MAP3K13: variants seen among roughly 807,000 people sequenced by gnomAD.
MAP3K13 encodes leucine zipper-bearing kinase.
A neutral mutation model predicts 104.0 loss-of-function variants in MAP3K13; 52 were observed. That is an observed-to-expected ratio of 0.50 (90% CI 0.40 to 0.63). MAP3K13 has a LOEUF of 0.63. MAP3K13 is among the 20% of genes least tolerant of loss of function. The pLI, the probability that MAP3K13 is intolerant of heterozygous loss-of-function variation, is 0.00. For missense variants in MAP3K13, 914 were observed against 1,218.5 expected (o/e 0.75, Z 3.72); for synonymous variants, 394 against 442.2 (o/e 0.89, Z 1.37).
In MAP3K13 at chr3:185,484,380, T is replaced by A. The variant is rs1350250960; in HGVS notation, c.*1924T>A. The A allele has an allele frequency of 6.6e-6, 1 of 152,194 alleles. No individual in the cohort carries two copies. Among genetic ancestry groups the A allele is most frequent in the Non-Finnish European group, 1.5e-5 (1 of 68,032 alleles). The allele number at this position is 152,194 out of a possible 1,614,324, so 9.4% of individuals were successfully genotyped here. ...TGTTGACCTAGTACCTGTCCCTGTCTCCAAGACAGATTACCGTCAAACAAC... is the reference window on the plus strand; with the variant it reads ...TGTTGACCTAGTACCTGTCCCTGTCACCAAGACAGATTACCGTCAAACAAC... On this transcript the variant is annotated 3_prime_UTR_variant, in exon 14 of 14. Transcript: ENST00000265026.
upstream of MAP3K13, among the ~76,000 whole-genome samples, chr3:185,361,183 T>TATATATACA: frequency 1.3e-5 from 2 of 151,080 alleles, no homozygotes; most frequent in Non-Finnish European, 1.5e-5. Context: ...ATATATTATA[T>TATATATACA]ATATATATAC....
chr3:185,452,628 G>T (rs1178559920), intron 7 of MAP3K13, among the ~76,000 whole-genome samples: 1 of 152,136 alleles, frequency 6.6e-6, no homozygotes, highest in Non-Finnish European at 1.5e-5. Flanking sequence ...CAGTTCTACT[G>T]GCTTTGACTG....
chr3:185,349,803 C>T (rs1267550286), intron 2 of MAP3K13, among the ~76,000 whole-genome samples: 1 of 152,182 alleles, frequency 6.6e-6, no homozygotes, highest in African/African-American at 2.4e-5. Context: ...GTGACTCTTT[C>T]CTTTCATGTC....
In MAP3K13 at chr3:185,486,333, T is replaced by C. The variant is rs1390009501; in HGVS notation, c.*3877T>C. On this transcript the variant is annotated 3_prime_UTR_variant, in exon 14 of 14. Coordinates refer to ENST00000265026, the MANE Select transcript of MAP3K13 (RefSeq NM_004721.5). ...CAGTCATTCATTGTATAGTCGAGAGTTGAATAAAGTCCATATTGAACACAT... is the reference window on the plus strand; with the variant it reads ...CAGTCATTCATTGTATAGTCGAGAGCTGAATAAAGTCCATATTGAACACAT... The C allele has an allele frequency of 2.0e-5, 3 of 152,128 alleles. No individual in the cohort carries two copies. The highest frequency in any genetic ancestry group is 4.4e-5 in the Non-Finnish European group (3 of 68,034). 9.4% of individuals were successfully genotyped at this position (152,128 alleles called of 1,614,324 possible).
chr3:185,288,427 A>G (rs535672080), intron 2 of MAP3K13, among the ~76,000 whole-genome samples: 151 of 150,674 alleles, frequency 1.0e-3, no homozygotes, highest in Non-Finnish European at 1.8e-3. Context: ...GAATATATAT[A>G]TTCCAGAAAA....
chr3:185,459,425 T>A (rs1174336613), intron 7 of MAP3K13, among the ~76,000 whole-genome samples: 5 of 152,152 alleles, frequency 3.3e-5, no homozygotes, highest in Non-Finnish European at 5.9e-5. Context: ...AAAGATAGTA[T>A]AAAATTTGCC....
rs951910875 is a variant in MAP3K13, at chr3:185,458,853, G to A, written c.1279-4697G>A. Among the ~76,000 whole-genome samples the A allele has an allele frequency of 4.6e-5, 7 of 152,324 alleles. No individual in the cohort carries two copies. In the East Asian group the frequency reaches 7.7e-4, roughly 17 times the overall value. ...CATGTATAAAGATGTAGCCTATATG[G>A]AGCAGATGAACAAAGCAACCGATTT... On this transcript the variant is annotated intron_variant, in intron 7 of 13. Coordinates refer to ENST00000265026, the MANE Select transcript of MAP3K13 (RefSeq NM_004721.5).
At chr3:185,465,682 T>A in intron 8 of MAP3K13, 65 bp from the exon 9 acceptor site, 1 of 1,060,510 alleles carries the variant, frequency 9.4e-7, no homozygotes, top group Admixed American at 1.7e-5. Context: ...GTTTCTTATT[T>A]CATCAAGCGG....
intron 2 of MAP3K13, among the ~76,000 whole-genome samples, chr3:185,310,327 T>C (rs1029438845): frequency 6.6e-6 from 1 of 152,194 alleles, no homozygotes; most frequent in Non-Finnish European, 1.5e-5. Flanking sequence ...ACTGTTATTC[T>C]ATGGACAATA....
At chr3:185,449,371 T>TAAAA (rs61621090) in intron 5 of MAP3K13, among the ~76,000 whole-genome samples, 1 of 80,754 alleles carries the variant, frequency 1.2e-5, no homozygotes, top group Non-Finnish European at 2.4e-5. Flanking sequence ...AGATGCTGTC[T>TAAAA]AAAAAAAAAA....
intron 1 of MAP3K13, among the ~76,000 whole-genome samples, chr3:185,283,534 C>A (rs1044654045): frequency 6.6e-6 from 1 of 152,192 alleles, no homozygotes; most frequent in African/African-American, 2.4e-5. Context: ...CCCGGCAGAA[C>A]CTCTCCCAAA....
At chr3:185,297,910 G>C (rs371993449) in intron 2 of MAP3K13, among the ~76,000 whole-genome samples, 1 of 151,332 alleles carries the variant, frequency 6.6e-6, no homozygotes, top group East Asian at 1.9e-4. Context: ...ACAATTAATA[G>C]ATATTGTACA....
chr3:185,467,746 G>GCACCC (rs1717534288), intron 10 of MAP3K13, among the ~76,000 whole-genome samples: 1 of 146,690 alleles, frequency 6.8e-6, no homozygotes, highest in African/African-American at 2.6e-5. Flanking sequence ...TCATGCCACT[G>GCACCC]CACCCCAGTC....
chr3:185,465,893 C>T (rs374784449), intron 9 of MAP3K13, 30 bp downstream of exon 9: 1 of 1,481,248 alleles, frequency 6.8e-7, no homozygotes, highest in Non-Finnish European at 9.4e-7. Flanking sequence ...TCTGTTCTTA[C>T]TGATTTGAGT....
intron 2 of MAP3K13, among the ~76,000 whole-genome samples, chr3:185,338,613 A>G (rs928945050): frequency 1.3e-5 from 2 of 152,358 alleles, no homozygotes; most frequent in South Asian, 2.1e-4. Flanking sequence ...CCTTCATTAT[A>G]TAACATTACC....
At chr3:185,386,690 T>A (rs1711714990) in intron 1 of MAP3K13, among the ~76,000 whole-genome samples, 3 of 152,106 alleles carry the variant, frequency 2.0e-5, no homozygotes, top group African/African-American at 7.2e-5. Flanking sequence ...GAAAATGTGG[T>A]ACATATACAC....
chr3:185,331,361 C>T, intron 2 of MAP3K13, among the ~76,000 whole-genome samples: 1 of 152,052 alleles, frequency 6.6e-6, no homozygotes, highest in East Asian at 1.9e-4. Context: ...TCCCAAAGTG[C>T]TGGGATTACA....
In MAP3K13 at chr3:185,473,084, C is replaced by A. The variant is rs1455348357; in HGVS notation, c.1753C>A (p.Arg585=). The change falls in exon 11 of 14, where the codon CGA becomes AGA. Residue 585 remains arginine, a synonymous_variant. Coordinates refer to ENST00000265026, the MANE Select transcript of MAP3K13 (RefSeq NM_004721.5). The surrounding 1 kb of genome is among the most constrained non-coding windows in gnomAD (Gnocchi z 4.9). ...CACTTCTAGCAGCAAGAGCCGATAT[C>A]GAAGCAAACCACGCCACCGCCGAGG... is the stretch of plus-strand genomic sequence containing the variant. ...MSTSSSKSRY[R]SKPRHRRGNS... 1 of 1,614,058 alleles carries A rather than the reference C, an allele frequency of 6.2e-7. No homozygotes were observed.
At chr3:185,295,549 T>G (rs994266471) in intron 2 of MAP3K13, among the ~76,000 whole-genome samples, 3 of 152,128 alleles carry the variant, frequency 2.0e-5, no homozygotes, top group Non-Finnish European at 4.4e-5. Flanking sequence ...TGGAATGCCC[T>G]CCTCTCTCCT....
Sources: allele counts gnomAD v4.1 joint callset (sites outside exome capture counted in the v4.1 genomes callset), GRCh38; gene constraint gnomAD v4.1.1; non-coding constraint Gnocchi (gnomAD v3.1); transcripts MANE v1.5; gene names NCBI Gene and HGNC (gene_info 2026-07-23, HGNC 2026-07-21).